TEDC1: variants seen among roughly 807,000 people sequenced by gnomAD.
TEDC1 encodes tubulin epsilon and delta complex protein 1.
A neutral mutation model predicts 59.9 loss-of-function variants in TEDC1; 54 were observed. The observed-to-expected ratio is 0.90, with a 90% CI of 0.72 to 1.13. The LOEUF is 1.13. Ranked by LOEUF, TEDC1 falls within the 50% of genes most tolerant of loss-of-function variation. The pLI is 0.00. For missense variants in TEDC1, 734 were observed against 683.4 expected (o/e 1.07, Z -0.83); for synonymous variants, 353 against 298.1 (o/e 1.18, Z -1.90).
Position 105,492,316 on chromosome 14 carries a change from G to A in TEDC1, c.429+7G>A. The A allele has an allele frequency of 1.2e-6, 2 of 1,600,514 alleles. No homozygotes were observed. Among genetic ancestry groups the A allele is most frequent in the Non-Finnish European group, 1.7e-6 (2 of 1,179,364 alleles). ...CGAGATGACTGTGTGCCAGGTGCGT[G>A]TGGGTGAGGGTGAGCTGAGCCAGCC... is the stretch of plus-strand genomic sequence containing the variant. On this transcript the variant is annotated splice_region_variant and intron_variant, in intron 3 of 8. Transcript: ENST00000392523.
intron 1 of TEDC1, 46 bp downstream of exon 1, chr14:105,491,568 C>G (rs1257939937): frequency 6.5e-7 from 1 of 1,543,454 alleles, no homozygotes; most frequent in Non-Finnish European, 8.7e-7. Flanking sequence ...GGTCCCGGGC[C>G]CTCGCAGGGA....
chr14:105,499,151 G>C lies in TEDC1; in HGVS notation c.*205G>C, dbSNP rs75392201. On this transcript the variant is annotated 3_prime_UTR_variant, in exon 9 of 9. Transcript: ENST00000392523. ...GCAGCACTGGGGACAGGAATGGCTG[G>C]TCCCTTGAGGAGGTCGTGACAGGCT... 7,922 of 612,506 alleles carry C rather than the reference G, an allele frequency of 0.013. 475 individuals carry two copies. The highest frequency in any genetic ancestry group is 0.12 in the African/African-American group (6,698 of 54,176). The allele number at this position is 612,506 out of a possible 1,614,324, so 37.9% of individuals were successfully genotyped here.
chr14:105,497,574 C>T (rs1299116792), intron 7 of TEDC1, 131 bp downstream of exon 7: 1 of 1,190,232 alleles, frequency 8.4e-7, no homozygotes, highest in African/African-American at 1.6e-5. Flanking sequence ...AGTGTAGGCT[C>T]TTTCTAGGAC....
At chr14:105,494,618 C>A (rs1283128027) in intron 5 of TEDC1, 1 of 152,730 alleles carries the variant, frequency 6.5e-6, no homozygotes, top group East Asian at 1.9e-4. Context: ...GCCTCTGAGC[C>A]CCAGGTGGCT....
chr14:105,495,857 G>T (rs1555440320), intron 5 of TEDC1, 23 bp from the exon 6 acceptor site: 1 of 1,527,794 alleles, frequency 6.5e-7, no homozygotes, highest in African/African-American at 1.4e-5. Flanking sequence ...GTGGACTGGG[G>T]CCATGGCTGG....
Position 105,497,968 on chromosome 14 carries a change from G to A in TEDC1, c.1149G>A (p.Trp383Ter). The A allele has an allele frequency of 6.5e-7, 1 of 1,529,646 alleles. No individual in the cohort carries two copies. Among genetic ancestry groups the A allele is most frequent in the South Asian group, 1.2e-5 (1 of 82,988 alleles). 94.8% of individuals were successfully genotyped at this position (1,529,646 alleles called of 1,614,324 possible). A position where few individuals can be genotyped will look rare whatever the true frequency, so the allele number is the denominator to read the frequency against. Residue 383 changes from tryptophan (W) to a stop codon, truncating the protein, a stop_gained, in exon 8 of 9, where the codon TGG (tryptophan) becomes TGA (stop). Coordinates refer to ENST00000392523, the MANE Select transcript of TEDC1 (RefSeq NM_001367178.1). LOFTEE classifies it high-confidence loss of function. ...REAAERRRAAWEAKAGGCGRG... is the reference protein window; with the variant it reads ...REAAERRRAA ...CTGCGGAGCGCAGGCGGGCGGCCTG[G>A]GAGGCCAAGGTGAGTGCCAGCCTCG...
At chr14:105,495,550 T>C in intron 5 of TEDC1, 1 of 283,514 alleles carries the variant, frequency 3.5e-6, no homozygotes, top group Non-Finnish European at 6.7e-6. Context: ...GCTGGACCTG[T>C]GTCCCTGGCT....
chr14:105,492,610 C>T lies in TEDC1; in HGVS notation c.461C>T (p.Ala154Val). 2 of 1,541,524 alleles carry T rather than the reference C, an allele frequency of 1.3e-6. No individual in the cohort carries two copies. The highest frequency in any genetic ancestry group is 1.7e-6 in the Non-Finnish European group (2 of 1,146,882). Residue 154 changes from alanine (A) to valine (V), a missense_variant, in exon 4 of 9, where the codon GCA (alanine) becomes GTA (valine). Ala to Val is a moderately conservative substitution (Grantham distance 64, BLOSUM62 0). Transcript: ENST00000392523. ...GCCCTGGCCAGCCCTGGCCCACCTG[C>T]ACCCCACATGGAAGCAGAGGGTCCT... ...CEALASPGPP[A>V]PHMEAEGPVD... is the part of the protein sequence containing the mutation.
chr14:105,498,036 C>T, intron 8 of TEDC1, 59 bp downstream of exon 8: 4 of 1,437,988 alleles, frequency 2.8e-6, no homozygotes, highest in South Asian at 2.8e-5. Flanking sequence ...GATGGCTGAC[C>T]TGAGGGCACT....
upstream of TEDC1, chr14:105,490,189 A>C: frequency 1.5e-5 from 2 of 131,074 alleles, no homozygotes; most frequent in African/African-American, 6.9e-5. Context: ...CGGGGCCGGG[A>C]GGGCCGCCTG....
At position 105,495,906 on chromosome 14, in the gene TEDC1, C is replaced by T; in HGVS notation, c.711C>T (p.Asn237=). Residue 237 remains asparagine, a synonymous_variant, in exon 6 of 9, where the codon AAC becomes AAT. Transcript: ENST00000392523. ...QQVSGAGAAQ[N]LDLAYPKCLH... is the part of the protein sequence containing the mutation. ...TTTCTGGAGCGGGAGCTGCCCAAAA[C>T]CTGGACCTGGCCTACCCAAAGTGCC... is the stretch of plus-strand genomic sequence containing the variant. 1.3e-6 allele frequency: 2 copies of T among 1,550,248 alleles called. No homozygotes were observed. The highest frequency in any genetic ancestry group is 1.7e-6 in the Non-Finnish European group (2 of 1,146,876).
Position 105,492,083 on chromosome 14 carries a change from TA to T in TEDC1, c.227-22del, listed in dbSNP as rs1555439508. The T allele has an allele frequency of 1.9e-6, 3 of 1,568,022 alleles. No individual in the cohort carries two copies. The Admixed American group carries it at 5.7e-5, about 30-fold the overall frequency. On this transcript the variant is annotated intron_variant, in intron 2 of 8. Transcript: ENST00000392523. ...GTCACCTCCAGGTGGGTGGTCCCCC[TA>T]AGGTGGTGGTCTTCTGTCCTAGAGG...
rs1287713790 is a variant in TEDC1, at chr14:105,495,974, G to A, written c.779G>A (p.Trp260Ter). 3 of 1,550,222 alleles carry A rather than the reference G, an allele frequency of 1.9e-6. No individual in the cohort carries two copies. The highest frequency in any genetic ancestry group is 2.7e-5 in the African/African-American group (2 of 73,050). Residue 260 changes from tryptophan to a stop codon, truncating the protein, a stop_gained, in exon 6 of 9, where the codon TGG becomes TAG. Transcript: ENST00000392523. LOFTEE classifies it high-confidence loss of function. ...CCTGGGATGGGTCCCAGAACCTTCT[G>A]GAATGATCTGTGGCTGGTATGTGAG... ...CTPGMGPRTF[W>*]NDLWLVCEQP... is the part of the protein sequence containing the mutation.
intron 6 of TEDC1, chr14:105,496,334 C>G (rs1392682529): frequency 1.9e-6 from 1 of 528,058 alleles, no homozygotes; most frequent in Non-Finnish European, 3.4e-6. Flanking sequence ...CACCAGCCTG[C>G]TCCAGCTCCC....
chr14:105,498,411 C>T (rs1230610223), intron 8 of TEDC1, among the ~76,000 whole-genome samples: 1 of 152,202 alleles, frequency 6.6e-6, no homozygotes, highest in Non-Finnish European at 1.5e-5. Flanking sequence ...TGTGTTGGCT[C>T]CATCTATTTT....
chr14:105,492,476 G>C, intron 3 of TEDC1, 103 bp from the exon 4 acceptor site: 2 of 1,467,874 alleles, frequency 1.4e-6, no homozygotes, highest in Non-Finnish European at 1.8e-6. Context: ...TGTGCAGGGA[G>C]CACCCGTTGT....
chr14:105,492,437 G>C (rs1244154446), intron 3 of TEDC1, 128 bp downstream of exon 3: 2 of 1,485,768 alleles, frequency 1.3e-6, no homozygotes, highest in African/African-American at 1.4e-5. Context: ...GGGTTACCCA[G>C]CTGCCCAGCT....
intron 7 of TEDC1, 121 bp downstream of exon 7, chr14:105,497,564 A>G (rs2084375311): frequency 2.4e-6 from 3 of 1,258,010 alleles, no homozygotes; most frequent in Non-Finnish European, 2.2e-6. Flanking sequence ...CCACAGACCT[A>G]GTGTAGGCTC....
intron 6 of TEDC1, 57 bp downstream of exon 6, chr14:105,496,143 A>C: frequency 2.7e-5 from 1 of 36,652 alleles, no homozygotes. Flanking sequence ...GGTGGGTGGG[A>C]GGGGGTGGCG....
Sources: allele counts gnomAD v4.1 joint callset (sites outside exome capture counted in the v4.1 genomes callset), GRCh38; gene constraint gnomAD v4.1.1; transcripts MANE v1.5; gene names NCBI Gene and HGNC (gene_info 2026-07-23, HGNC 2026-07-21).